AGTPBP1: variants seen among roughly 807,000 people sequenced by gnomAD.
AGTPBP1 encodes the protein ATP/GTP binding carboxypeptidase 1.
A neutral mutation model predicts 143.9 loss-of-function variants in AGTPBP1; 70 were observed. That is an observed-to-expected ratio of 0.49 (90% CI 0.40 to 0.59). The LOEUF (loss-of-function observed/expected upper bound fraction) is 0.59. Ranked by LOEUF, AGTPBP1 falls within the 20% of genes least tolerant of loss-of-function variation. The pLI, the probability that AGTPBP1 is intolerant of heterozygous loss-of-function variation, is 0.00. For synonymous variants in AGTPBP1, 463 were observed against 500.2 expected, an observed-to-expected ratio of 0.93 and a Z score of 0.99; for missense variants, 1,229 against 1,464.5, an observed-to-expected ratio of 0.84 and a Z score of 2.62.
At chr9:85,558,825 C>T (rs1180776108) in intron 25 of AGTPBP1, among the ~76,000 whole-genome samples, 2 of 152,118 alleles carry the variant, frequency 1.3e-5, no homozygotes, top group East Asian at 1.9e-4. Context: ...CACCACGTTG[C>T]CCAGGCTGGT....
intron 6 of AGTPBP1, among the ~76,000 whole-genome samples, chr9:85,674,122 TAA>T (rs35435972): frequency 1.8e-4 from 21 of 117,492 alleles, no homozygotes; most frequent in Non-Finnish European, 1.4e-4. Flanking sequence ...GACTCCATCT[TAA>T]AAAAAAAAAA....
chr9:85,753,920 T>A, the AGTPBP1 span, among the ~76,000 whole-genome samples: 2 of 152,212 alleles, frequency 1.3e-5, no homozygotes, highest in African/African-American at 4.8e-5. Flanking sequence ...AAATTTTAGA[T>A]TCAGGGATAC....
At chr9:85,548,676 T>G (rs574593914) in intron 25 of AGTPBP1, among the ~76,000 whole-genome samples, 107 of 113,718 alleles carry the variant, frequency 9.4e-4, no homozygotes, top group South Asian at 8.4e-3. Flanking sequence ...TTTTTTTTTG[T>G]TTTTGTTTTT....
At chr9:85,646,796 T>C (rs1320592393) in intron 11 of AGTPBP1, among the ~76,000 whole-genome samples, 1 of 152,218 alleles carries the variant, frequency 6.6e-6, no homozygotes, top group Non-Finnish European at 1.5e-5. Flanking sequence ...CCACATACTG[T>C]GCTATATGCT....
chr9:85,651,345 T>C (rs1289345998), intron 11 of AGTPBP1, among the ~76,000 whole-genome samples: 2 of 152,192 alleles, frequency 1.3e-5, no homozygotes, highest in Non-Finnish European at 2.9e-5. Flanking sequence ...CGAATATACA[T>C]TTGGATTATT....
At chr9:85,740,507 A>G (rs997459272) in intron 1 of AGTPBP1, among the ~76,000 whole-genome samples, 4 of 152,346 alleles carry the variant, frequency 2.6e-5, no homozygotes, top group African/African-American at 9.6e-5. Flanking sequence ...CATTTGGCAC[A>G]TGTTTTAAAA....
chr9:85,777,801 G>T, the AGTPBP1 span, among the ~76,000 whole-genome samples: 1 of 152,160 alleles, frequency 6.6e-6, no homozygotes, highest in Non-Finnish European at 1.5e-5. Context: ...CCATGAATTG[G>T]TATATAACCG....
intron 2 of AGTPBP1, among the ~76,000 whole-genome samples, chr9:85,696,447 C>T (rs141359663): frequency 2.0e-5 from 3 of 152,068 alleles, no homozygotes; most frequent in East Asian, 1.9e-4. Flanking sequence ...GTGGGCAGAT[C>T]GCTTGAGGTC....
At chr9:85,646,504 G>T in intron 11 of AGTPBP1, 86 bp from the exon 12 acceptor site, 2 of 908,500 alleles carry the variant, frequency 2.2e-6, no homozygotes, top group Non-Finnish European at 3.5e-6. Context: ...CTTATATAAA[G>T]TATTTCAATC....
chr9:85,565,710 A>G (rs1360797009), intron 25 of AGTPBP1, among the ~76,000 whole-genome samples: 1 of 152,154 alleles, frequency 6.6e-6, no homozygotes, highest in African/African-American at 2.4e-5. Flanking sequence ...TACTGATTCC[A>G]TATTCATCAT....
intron 1 of AGTPBP1, among the ~76,000 whole-genome samples, chr9:85,738,917 T>C (rs1387076626): frequency 6.6e-6 from 1 of 151,790 alleles, no homozygotes; most frequent in Non-Finnish European, 1.5e-5. Flanking sequence ...ACGGTAATAA[T>C]AGCAATATTT....
the AGTPBP1 span, among the ~76,000 whole-genome samples, chr9:85,788,687 TATAG>T: frequency 6.7e-6 from 1 of 149,622 alleles, no homozygotes; most frequent in Admixed American, 6.7e-5. Context: ...TGTATATAGA[TATAG>T]ATATAGGGTA....
intron 18 of AGTPBP1, among the ~76,000 whole-genome samples, chr9:85,595,676 G>A (rs949480455): frequency 1.1e-4 from 16 of 152,004 alleles, no homozygotes; most frequent in African/African-American, 2.7e-4. Context: ...ACAGGTGTGC[G>A]CCACAATGCC....
the AGTPBP1 span, among the ~76,000 whole-genome samples, chr9:85,760,039 GACACGT>G: frequency 6.6e-6 from 1 of 151,990 alleles, no homozygotes; most frequent in East Asian, 1.9e-4. Flanking sequence ...TAAATTCCTG[GACACGT>G]ACACCCTCCC....
intron 14 of AGTPBP1, among the ~76,000 whole-genome samples, chr9:85,630,739 C>CA (rs1456968444): frequency 6.6e-6 from 1 of 152,048 alleles, no homozygotes; most frequent in African/African-American, 2.4e-5. Flanking sequence ...CTTGGCCTGA[C>CA]AAAGTGCTGG....
Position 85,732,995 on chromosome 9 carries a change from TA to T in AGTPBP1, c.-34+8779del, listed in dbSNP as rs371299928. Among the ~76,000 whole-genome samples, 887 of 152,090 alleles carry T rather than the reference TA, an allele frequency of 5.8e-3. 11 individuals carry two copies. Among genetic ancestry groups the T allele is most frequent in the African/African-American group, 0.02 (820 of 41,514 alleles). ...AGTTACAGATCATCAAAATACGAGGTAAAAATTAACATAATTATGGGGAGAA... is the reference window on the plus strand; with the variant it reads ...AGTTACAGATCATCAAAATACGAGGTAAAATTAACATAATTATGGGGAGAA... On this transcript the variant is annotated intron_variant, in intron 1 of 25. Coordinates refer to ENST00000357081, the MANE Select transcript of AGTPBP1 (RefSeq NM_001330701.2).
At chr9:85,660,837 T>C in intron 9 of AGTPBP1, 99 bp downstream of exon 9, 1 of 959,950 alleles carries the variant, frequency 1.0e-6, no homozygotes, top group Non-Finnish European at 1.5e-6. Flanking sequence ...AAACCAGCTT[T>C]ATAACTATAG....
chr9:85,646,935 T>TA (rs1832847138), intron 11 of AGTPBP1, among the ~76,000 whole-genome samples: 1 of 151,384 alleles, frequency 6.6e-6, no homozygotes, highest in Non-Finnish European at 1.5e-5. Context: ...GCTGGTGTGC[T>TA]TAAAAAAAAA....
rs775410446 is a variant in AGTPBP1 at position 85,575,475 on chromosome 9, C to A, written c.3343G>T (p.Gly1115Cys). 2 of 1,596,034 alleles carry A rather than the reference C, an allele frequency of 1.3e-6. No homozygotes were observed. Among genetic ancestry groups the A allele is most frequent in the South Asian group, 1.2e-5 (1 of 86,084 alleles). Residue 1115 changes from glycine (G) to cysteine (C), a missense_variant and splice_region_variant, in exon 25 of 26, where the codon GGT (glycine) becomes TGT (cysteine). By Grantham distance (159) the Gly-to-Cys change is radical (BLOSUM62 -3). Coordinates refer to ENST00000357081, the MANE Select transcript of AGTPBP1 (RefSeq NM_001330701.2). ...LCGCDQGKYK[G>C]LQIGTRELEE... is the part of the protein sequence containing the mutation. ...AGTTCTCGGGTACCAATCTGTAAACCCTTGAAATAAACAAATATTATGCAT... is the reference window on the plus strand; with the variant it reads ...AGTTCTCGGGTACCAATCTGTAAACACTTGAAATAAACAAATATTATGCAT...
Sources: gnomAD v4.1 joint callset for allele counts (sites outside exome capture counted in the v4.1 genomes callset) on GRCh38, gnomAD v4.1.1 for gene constraint, MANE v1.5 for transcripts, NCBI Gene and HGNC (gene_info 2026-07-23, HGNC 2026-07-21) for gene names.